The following PDE4D variants were observed in gnomAD, a reference collection of about 807,000 sequenced individuals.
PDE4D encodes 3',5'-cyclic-AMP phosphodiesterase 4D.
Under a neutral mutation model 87.4 loss-of-function variants are expected in PDE4D, and 24 were observed. The observed-to-expected ratio is 0.27, with a 90% CI of 0.20 to 0.39. PDE4D has a LOEUF of 0.39. Among genes scored for constraint, PDE4D ranks in the 10% least tolerant of loss-of-function variants. PDE4D has a pLI of 1.00. For synonymous variants in PDE4D, 384 were observed against 383.2 expected, an observed-to-expected ratio of 1.00 and a Z score of -0.02; for missense variants, 714 against 1,041.0, an observed-to-expected ratio of 0.69 and a Z score of 4.32.
intron 2 of PDE4D, among the ~76,000 whole-genome samples, chr5:60,055,566 T>C (rs1025123385): frequency 3.3e-5 from 5 of 152,156 alleles, no homozygotes; most frequent in African/African-American, 1.2e-4. Flanking sequence ...ATAAATGTAA[T>C]ATATATATGA....
chr5:59,300,269 A>C (rs1316434893), intron 1 of PDE4D, among the ~76,000 whole-genome samples: 1 of 152,158 alleles, frequency 6.6e-6, no homozygotes, highest in Non-Finnish European at 1.5e-5. Flanking sequence ...TCTAGAAGAA[A>C]TAGAAATGTT....
At chr5:60,047,468 C>A (rs1334908684) in intron 2 of PDE4D, among the ~76,000 whole-genome samples, 8 of 152,014 alleles carry the variant, frequency 5.3e-5, no homozygotes, top group Admixed American at 3.9e-4. Flanking sequence ...TTAGGGTGTC[C>A]ATTTTAGATC....
intron 1 of PDE4D, among the ~76,000 whole-genome samples, chr5:59,531,536 A>G (rs1814215831): frequency 6.6e-6 from 1 of 152,256 alleles, no homozygotes; most frequent in Non-Finnish European, 1.5e-5. Flanking sequence ...TCAGAAGTCC[A>G]ACACAGGCCT....
At chr5:60,025,927 T>A (rs1353516663) in intron 2 of PDE4D, among the ~76,000 whole-genome samples, 1 of 152,124 alleles carries the variant, frequency 6.6e-6, no homozygotes, top group East Asian at 1.9e-4. Flanking sequence ...GTTAATTTAT[T>A]TTTTATACTT....
At chr5:59,394,586 T>A (rs1442009183) in intron 1 of PDE4D, among the ~76,000 whole-genome samples, 1 of 124,752 alleles carries the variant, frequency 8.0e-6, no homozygotes, top group East Asian at 2.5e-4. Flanking sequence ...TATACTATAT[T>A]ACAAGTTTAC....
chr5:60,137,069 T>G (rs567060631), intron 2 of PDE4D, among the ~76,000 whole-genome samples: 175 of 152,334 alleles, frequency 1.1e-3, no homozygotes, highest in African/African-American at 4.0e-3. Context: ...TATTTGGTTT[T>G]CTGTTCCTAC....
chr5:60,084,392 G>A (rs960368237), intron 2 of PDE4D, among the ~76,000 whole-genome samples: 3 of 42,594 alleles, frequency 7.0e-5, no homozygotes, highest in Non-Finnish European at 1.6e-4. Flanking sequence ...ATCTTAACGT[G>A]TGTGTGTGTG....
intron 2 of PDE4D, among the ~76,000 whole-genome samples, chr5:60,063,581 GA>G (rs1429493518): frequency 1.3e-5 from 2 of 152,096 alleles, no homozygotes; most frequent in African/African-American, 4.8e-5. Context: ...GATGGAGATT[GA>G]GAATGAGATC....
chr5:59,731,569 CA>C (rs11366341), intron 1 of PDE4D, among the ~76,000 whole-genome samples: 152,140 of 152,164 alleles, frequency 1, 76,058 homozygotes, highest in Middle Eastern at 1. Context: ...TTTAAACTGA[CA>C]AAAAAAGACT....
intron 5 of PDE4D, among the ~76,000 whole-genome samples, chr5:59,093,568 A>G (rs140721396): frequency 6.6e-6 from 1 of 152,312 alleles, no homozygotes; most frequent in East Asian, 1.9e-4. Context: ...TTGGGGAAAC[A>G]TTTCAAAGAA....
intron 1 of PDE4D, chr5:59,275,591 C>A: frequency 7.3e-7 from 1 of 1,367,120 alleles, no homozygotes. Flanking sequence ...CACGCAGGAG[C>A]GCTTTCTTCC....
At chr5:59,894,353 A>C (rs1415918139), upstream of PDE4D, among the ~76,000 whole-genome samples, 1 of 152,244 alleles carries the variant, frequency 6.6e-6, no homozygotes, top group Non-Finnish European at 1.5e-5. Context: ...GAATGTGACC[A>C]GGCAAAGTTG....
chr5:60,262,040 A>G (rs1338602249), intron 1 of PDE4D, among the ~76,000 whole-genome samples: 1 of 151,960 alleles, frequency 6.6e-6, no homozygotes, highest in Non-Finnish European at 1.5e-5. Flanking sequence ...CCAACCTTCT[A>G]CCTCAGCGTA....
chr5:60,211,423 C>T (rs932017619), intron 1 of PDE4D, among the ~76,000 whole-genome samples: 1 of 145,782 alleles, frequency 6.9e-6, no homozygotes, highest in Non-Finnish European at 1.5e-5. Flanking sequence ...AAGCTGTCCT[C>T]AAGAGAAAGC....
chr5:59,562,659 A>G (rs892587867), intron 1 of PDE4D, among the ~76,000 whole-genome samples: 1 of 152,232 alleles, frequency 6.6e-6, no homozygotes, highest in Non-Finnish European at 1.5e-5. Flanking sequence ...TTTAAAGTAC[A>G]GTATATATAC....
chr5:59,597,515 G>GAGAGAGAGAGAA (rs1394772947), intron 1 of PDE4D, among the ~76,000 whole-genome samples: 11 of 151,624 alleles, frequency 7.3e-5, no homozygotes, highest in Non-Finnish European at 1.3e-4. Flanking sequence ...AAGGAGAGGT[G>GAGAGAGAGAGAA]AGAGAGAGAG....
chr5:59,445,959 T>C (rs1057485296), intron 1 of PDE4D, among the ~76,000 whole-genome samples: 2 of 152,200 alleles, frequency 1.3e-5, no homozygotes, highest in African/African-American at 4.8e-5. Flanking sequence ...TAGCTATAAA[T>C]GAATTCCCAT....
rs1024653706 is a variant in PDE4D, at chr5:58,969,683, G to C, written c.*4981C>G. On this transcript the variant is annotated 3_prime_UTR_variant, in exon 15 of 15. Transcript: ENST00000340635. ...AGCCTTTGTCCCCTCCAGACTGTAAGCTCCATGAAAGCAAACACTGTGTCT... is the reference window on the plus strand; with the variant it reads ...AGCCTTTGTCCCCTCCAGACTGTAACCTCCATGAAAGCAAACACTGTGTCT... 2 of 152,124 alleles carry C rather than the reference G, an allele frequency of 1.3e-5. No homozygotes were observed. Among genetic ancestry groups the C allele is most frequent in the Non-Finnish European group, 1.5e-5 (1 of 68,036 alleles). The allele number at this position is 152,124 out of a possible 1,614,324, so 9.4% of individuals were successfully genotyped here. A position where few individuals can be genotyped will look rare whatever the true frequency, so the allele number is the denominator to read the frequency against.
At chr5:60,208,243 T>A (rs189681414) in intron 1 of PDE4D, among the ~76,000 whole-genome samples, 154 of 152,306 alleles carry the variant, frequency 1.0e-3, no homozygotes, top group Non-Finnish European at 1.7e-3. Flanking sequence ...GCAGTAGGGA[T>A]TGCAATTTTA....
Sources: gnomAD v4.1 joint callset for allele counts (sites outside exome capture counted in the v4.1 genomes callset) on GRCh38, gnomAD v4.1.1 for gene constraint, MANE v1.5 for transcripts, NCBI Gene and HGNC (gene_info 2026-07-23, HGNC 2026-07-21) for gene names.